Variants in ADAMTS17 observed in about 807,000 individuals in gnomAD.
ADAMTS17 encodes A disintegrin and metalloproteinase with thrombospondin motifs 17.
In ADAMTS17, 113 loss-of-function variants were observed where a neutral mutation model predicts 141.5. The ratio of observed to expected loss-of-function variants is 0.80; its 90% CI spans 0.69 to 0.93. ADAMTS17 has a LOEUF of 0.93. Ranked by LOEUF, ADAMTS17 falls within the 40% of genes least tolerant of loss-of-function variation. The pLI is 0.00. For synonymous variants in ADAMTS17, 768 were observed against 630.6 expected (o/e 1.22, Z -3.27); for missense variants, 1,659 against 1,517.9 (o/e 1.09, Z -1.54).
Position 100,048,873 on chromosome 15 carries a change from G to T in ADAMTS17, c.2575C>A (p.His859Asn). 6.2e-7 allele frequency: 1 copy of T among 1,614,190 alleles called. No individual in the cohort carries two copies. Among genetic ancestry groups the T allele is most frequent in the Non-Finnish European group, 8.5e-7 (1 of 1,180,036 alleles). Residue 859 changes from histidine to asparagine, a missense_variant, in exon 18 of 22, where the codon CAC (histidine) becomes AAC (asparagine). Physicochemically the swap from His to Asn is moderately conservative, Grantham distance 68. Transcript: ENST00000268070. ...GCTTCTTACCGTGACTGGCAGGGGT[G>T]CAAGTTGCACCTTCGGACCTGGGGC... ...PEPQVRRCNL[H>N]PCQSRWVAGP...
intron 10 of ADAMTS17, among the ~76,000 whole-genome samples, chr15:100,145,390 G>A (rs1438426653): frequency 2.6e-5 from 4 of 152,238 alleles, no homozygotes; most frequent in East Asian, 1.9e-4. Context: ...TTTTTCTTTC[G>A]TTTTACAGCA....
At chr15:100,332,367 C>G (rs983815285) in intron 2 of ADAMTS17, among the ~76,000 whole-genome samples, 1 of 152,218 alleles carries the variant, frequency 6.6e-6, no homozygotes, top group Non-Finnish European at 1.5e-5. Context: ...GCAGAACACC[C>G]GAAAACTGCC....
At chr15:100,198,205 AG>A (rs2041193634) in intron 8 of ADAMTS17, among the ~76,000 whole-genome samples, 1 of 152,356 alleles carries the variant, frequency 6.6e-6, no homozygotes, top group East Asian at 1.9e-4. Flanking sequence ...CAAAACAAAA[AG>A]GTCATAAAAT....
intron 8 of ADAMTS17, among the ~76,000 whole-genome samples, chr15:100,191,923 G>A (rs1420938580): frequency 6.6e-6 from 1 of 152,146 alleles, no homozygotes; most frequent in African/African-American, 2.4e-5. Context: ...TCAAGGTGAA[G>A]AACCCTGCAA....
At chr15:100,019,201 C>A (rs1038030917) in intron 18 of ADAMTS17, among the ~76,000 whole-genome samples, 1 of 152,156 alleles carries the variant, frequency 6.6e-6, no homozygotes, top group African/African-American at 2.4e-5. Flanking sequence ...ATTTAAGACA[C>A]AACAAACAAT....
chr15:100,170,860 T>A (rs918611625), intron 8 of ADAMTS17, among the ~76,000 whole-genome samples: 11 of 152,204 alleles, frequency 7.2e-5, no homozygotes, highest in East Asian at 1.9e-4. Context: ...CAGGGAGGGT[T>A]TACCTCAGCC....
At chr15:100,258,860 T>C (rs532020044) in intron 6 of ADAMTS17, among the ~76,000 whole-genome samples, 6 of 152,306 alleles carry the variant, frequency 3.9e-5, no homozygotes, top group African/African-American at 1.4e-4. Context: ...ATCTTTGCAT[T>C]GAGGGTGCGT....
At chr15:100,086,593 G>A (rs2035116835) in intron 15 of ADAMTS17, among the ~76,000 whole-genome samples, 1 of 152,134 alleles carries the variant, frequency 6.6e-6, no homozygotes, top group South Asian at 2.1e-4. Context: ...CACTTAGTTG[G>A]AAGTGAAGTA....
chr15:100,262,804 A>AAAC (rs1224498604), intron 4 of ADAMTS17, among the ~76,000 whole-genome samples: 2 of 150,300 alleles, frequency 1.3e-5, no homozygotes, highest in African/African-American at 2.5e-5. Flanking sequence ...AAAACAAAAA[A>AAAC]CCTAAAGAAT....
chr15:100,015,170 G>C (rs186751556), intron 18 of ADAMTS17, among the ~76,000 whole-genome samples: 1 of 152,082 alleles, frequency 6.6e-6, no homozygotes, highest in South Asian at 2.1e-4. Context: ...CGTCTGATAC[G>C]AGAATAGCTA....
At chr15:100,281,426 G>T in intron 3 of ADAMTS17, 25 bp from the exon 4 acceptor site, 1 of 1,605,634 alleles carries the variant, frequency 6.2e-7, no homozygotes. Context: ...AAACATTTGT[G>T]CGGTCCTTGG....
chr15:100,101,996 T>A (rs1251383116), intron 14 of ADAMTS17, among the ~76,000 whole-genome samples: 1 of 152,238 alleles, frequency 6.6e-6, no homozygotes, highest in East Asian at 1.9e-4. Flanking sequence ...TTCCTCTTTC[T>A]TGACTTCATT....
intron 10 of ADAMTS17, among the ~76,000 whole-genome samples, chr15:100,142,776 A>C (rs996323760): frequency 6.6e-6 from 1 of 152,196 alleles, no homozygotes; most frequent in African/African-American, 2.4e-5. Flanking sequence ...GAAAAGAGAA[A>C]GGAGGGAGTA....
At chr15:100,313,016 G>A (rs914505993) in intron 3 of ADAMTS17, among the ~76,000 whole-genome samples, 4 of 152,152 alleles carry the variant, frequency 2.6e-5, no homozygotes, top group African/African-American at 9.7e-5. Flanking sequence ...ACGGAAGAAA[G>A]GGAGAAAGTT....
At chr15:100,335,902 C>T (rs547415026) in intron 2 of ADAMTS17, among the ~76,000 whole-genome samples, 167 of 152,316 alleles carry the variant, frequency 1.1e-3, no homozygotes, top group Non-Finnish European at 2.1e-3. Context: ...CATCTGGGGA[C>T]CTGTGCACAG....
intron 12 of ADAMTS17, among the ~76,000 whole-genome samples, chr15:100,130,970 T>A (rs1158924763): frequency 6.6e-6 from 1 of 152,060 alleles, no homozygotes; most frequent in Non-Finnish European, 1.5e-5. Context: ...CCAACCCAAA[T>A]GCCCATCAAT....
intron 15 of ADAMTS17, among the ~76,000 whole-genome samples, chr15:100,058,091 C>G (rs1440655998): frequency 6.6e-6 from 1 of 151,456 alleles, no homozygotes; most frequent in Non-Finnish European, 1.5e-5. Flanking sequence ...GCCTGGCACA[C>G]TCCACCCCTG....
chr15:100,094,805 T>G (rs1304936986), intron 15 of ADAMTS17, among the ~76,000 whole-genome samples: 1 of 152,158 alleles, frequency 6.6e-6, no homozygotes, highest in African/African-American at 2.4e-5. Flanking sequence ...TCAGCAGCAA[T>G]AGGCAAGGTC....
chr15:100,228,760 C>T (rs889942885), intron 7 of ADAMTS17, among the ~76,000 whole-genome samples: 1 of 152,208 alleles, frequency 6.6e-6, no homozygotes, highest in Non-Finnish European at 1.5e-5. Context: ...CTCTGCCTGG[C>T]AAGGGCAGGT....
Sources: gnomAD v4.1 joint callset for allele counts (sites outside exome capture counted in the v4.1 genomes callset) on GRCh38, gnomAD v4.1.1 for gene constraint, MANE v1.5 for transcripts, NCBI Gene and HGNC (gene_info 2026-07-23, HGNC 2026-07-21) for gene names.